The following CFAP47 variants were observed in gnomAD, a reference collection of about 807,000 sequenced individuals.
CFAP47 encodes the protein cilia- and flagella-associated protein 47.
A neutral mutation model predicts 148.1 loss-of-function variants in CFAP47; 29 were observed. The observed-to-expected ratio is 0.20, with a 90% CI of 0.15 to 0.27. CFAP47 has a LOEUF of 0.27. CFAP47 is among the 10% of genes least tolerant of loss of function. The pLI is 1.00. For missense variants in CFAP47, 1,872 were observed against 1,697.5 expected, an observed-to-expected ratio of 1.10 and a Z score of -1.81; for synonymous variants, 664 against 577.3, an observed-to-expected ratio of 1.15 and a Z score of -2.15.
intron 1 of CFAP47, among the ~76,000 whole-genome samples, chrX:35,924,080 TACATGTATGC>T (rs1935652096): frequency 1.2e-5 from 1 of 84,188 alleles, no homozygotes; most frequent in African/African-American, 4.5e-5. Context: ...TGTATATATG[TACATGTATGC>T]GTACATATAT....
At chrX:36,166,081 C>T (rs1199276245) in intron 39 of CFAP47, among the ~76,000 whole-genome samples, 1 of 111,480 alleles carries the variant, frequency 9.0e-6, no homozygotes, top group Non-Finnish European at 1.9e-5. Context: ...CTTATTATTT[C>T]CATTTCTCTT....
At chrX:36,228,877 A>G (rs781908977) in intron 46 of CFAP47, 53 bp downstream of exon 46, 3 of 490,959 alleles carry the variant, frequency 6.1e-6, no homozygotes, top group Non-Finnish European at 1.1e-5. Context: ...CACTGTGTCA[A>G]TTAAAGTCCT....
At chrX:36,216,122 A>G (rs1310749560) in intron 45 of CFAP47, among the ~76,000 whole-genome samples, 6 of 111,958 alleles carry the variant, frequency 5.4e-5, no homozygotes, top group Admixed American at 9.4e-5. Flanking sequence ...GACTGGCAAA[A>G]TAGAATATCT....
At chrX:36,145,598 T>C (rs1053754206) in intron 36 of CFAP47, among the ~76,000 whole-genome samples, 3 of 112,112 alleles carry the variant, frequency 2.7e-5, no homozygotes, top group Admixed American at 1.9e-4. Context: ...CTCATTTTCA[T>C]TTGATTTAAA....
chrX:36,113,174 G>A lies in CFAP47; in HGVS notation c.5320+8483G>A, dbSNP rs143921741. On this transcript the variant is annotated intron_variant, in intron 33 of 63. Coordinates refer to ENST00000378653, the MANE Select transcript of CFAP47 (RefSeq NM_001304548.2). The stretch of plus-strand genomic sequence containing the variant: ...ATTATGCAGACTTGTTTGTGTGGTT[G>A]CTTTATAGTGTCACTGGTCTGTGTA... Among the ~76,000 whole-genome samples the A allele has an allele frequency of 3.8e-3, 425 of 111,963 alleles. 1 individual carries two copies. Among genetic ancestry groups the A allele is most frequent in the African/African-American group, 0.013 (410 of 30,835 alleles).
chrX:36,150,377 T>C (rs1477610546), intron 37 of CFAP47, among the ~76,000 whole-genome samples: 4 of 112,165 alleles, frequency 3.6e-5, no homozygotes. Flanking sequence ...AAAGATGATA[T>C]GAGAACAGCT....
At chrX:36,071,453 C>CT (rs1937750734) in intron 27 of CFAP47, among the ~76,000 whole-genome samples, 1 of 112,189 alleles carries the variant, frequency 8.9e-6, no homozygotes, top group African/African-American at 3.2e-5. Context: ...TTTCCTATAT[C>CT]TTATTTTGAA....
At chrX:35,953,123 TG>T (rs1388057281) in intron 6 of CFAP47, among the ~76,000 whole-genome samples, 10 of 112,243 alleles carry the variant, frequency 8.9e-5, no homozygotes, top group Non-Finnish European at 1.9e-4. Context: ...TAGCAATTCG[TG>T]TTCTCCAAAT....
chrX:36,075,781 G>A (rs766456887), intron 29 of CFAP47, among the ~76,000 whole-genome samples: 3 of 111,257 alleles, frequency 2.7e-5, no homozygotes, highest in South Asian at 3.8e-4. Flanking sequence ...GAGAGCATGC[G>A]GTATTTGGTT....
intron 49 of CFAP47, among the ~76,000 whole-genome samples, chrX:36,264,156 A>G (rs1167187256): frequency 9.0e-6 from 1 of 111,026 alleles, no homozygotes; most frequent in Admixed American, 9.5e-5. Flanking sequence ...AGTACTCCCC[A>G]TTCTTCCCTC....
At chrX:35,986,611 A>T (rs10482307) in intron 15 of CFAP47, among the ~76,000 whole-genome samples, 8,554 of 109,753 alleles carry the variant, frequency 0.078, 873 homozygotes, top group African/African-American at 0.27. Context: ...ACTTCTGTCA[A>T]TTGGTCAAAC....
intron 57 of CFAP47, among the ~76,000 whole-genome samples, chrX:36,346,187 TTTTGTTTG>T (rs797023290): frequency 9.0e-6 from 1 of 111,018 alleles, no homozygotes; most frequent in African/African-American, 3.3e-5. Flanking sequence ...GTAATTTGTT[TTTTGTTTG>T]TTTGTTTGTT....
At chrX:36,144,989 A>G (rs1939209311) in intron 35 of CFAP47, 2 of 518,694 alleles carry the variant, frequency 3.9e-6, no homozygotes, top group Admixed American at 3.8e-5. Context: ...GTCATTCTGC[A>G]GTTTGTAGCC....
At chrX:36,234,192 T>A (rs2146907128) in intron 46 of CFAP47, among the ~76,000 whole-genome samples, 1 of 110,310 alleles carries the variant, frequency 9.1e-6, no homozygotes, top group East Asian at 2.9e-4. Context: ...TTCTCCTGGA[T>A]AATATCCTGC....
chrX:36,333,616 T>C (rs1251369498), intron 57 of CFAP47, among the ~76,000 whole-genome samples: 1 of 111,762 alleles, frequency 8.9e-6, no homozygotes, highest in East Asian at 2.8e-4. Flanking sequence ...ATAGTTGATC[T>C]CTTCTATAAC....
intron 59 of CFAP47, among the ~76,000 whole-genome samples, chrX:36,351,126 A>G (rs1201145709): frequency 1.8e-5 from 2 of 111,655 alleles, no homozygotes; most frequent in African/African-American, 6.5e-5. Flanking sequence ...GCATTTCCCC[A>G]GATACACTGG....
chrX:36,062,696 G>A (rs1303115569), intron 26 of CFAP47, among the ~76,000 whole-genome samples: 1 of 110,946 alleles, frequency 9.0e-6, no homozygotes, highest in Non-Finnish European at 1.9e-5. Flanking sequence ...TGTTTTCAGG[G>A]GCTGGGGGTG....
intron 2 of CFAP47, among the ~76,000 whole-genome samples, chrX:35,930,350 G>C (rs958563346): frequency 4.5e-5 from 5 of 110,543 alleles, no homozygotes; most frequent in African/African-American, 1.6e-4. Flanking sequence ...TGTTTTATTA[G>C]GGATTATTGT....
At chrX:36,236,606 C>A in intron 47 of CFAP47, 80 bp from the exon 48 acceptor site, 1 of 434,545 alleles carries the variant, frequency 2.3e-6, no homozygotes, top group Admixed American at 4.3e-5. Context: ...TAATCAGACA[C>A]AAGAAGAATA....
Sources: gnomAD v4.1 joint callset for allele counts (sites outside exome capture counted in the v4.1 genomes callset) on GRCh38, gnomAD v4.1.1 for gene constraint, MANE v1.5 for transcripts, NCBI Gene and HGNC (gene_info 2026-07-23, HGNC 2026-07-21) for gene names.